Variants in RNF180 observed in about 807,000 individuals in gnomAD.
RNF180 encodes E3 ubiquitin-protein ligase RNF180.
RNF180 carries 38 observed loss-of-function variants against 59.2 expected under a neutral mutation model. The ratio of observed to expected loss-of-function variants is 0.64; its 90% CI spans 0.50 to 0.84. The LOEUF is 0.84. Ranked by LOEUF, RNF180 falls within the 40% of genes least tolerant of loss-of-function variation. The pLI is 0.00. For synonymous variants in RNF180, 262 were observed against 240.3 expected, an observed-to-expected ratio of 1.09 and a Z score of -0.84; for missense variants, 705 against 700.9, an observed-to-expected ratio of 1.01 and a Z score of -0.07.
intron 7 of RNF180, among the ~76,000 whole-genome samples, chr5:64,338,991 G>A (rs1031458787): frequency 2.6e-5 from 4 of 151,742 alleles, no homozygotes; most frequent in Non-Finnish European, 5.9e-5. Flanking sequence ...TTTATACTGT[G>A]TTTTGTCAAT....
intron 7 of RNF180, among the ~76,000 whole-genome samples, chr5:64,351,237 A>G (rs1745798057): frequency 6.6e-6 from 1 of 152,118 alleles, no homozygotes; most frequent in African/African-American, 2.4e-5. Flanking sequence ...AATCCTTGTG[A>G]TTTTTGTACG....
intron 7 of RNF180, among the ~76,000 whole-genome samples, chr5:64,348,577 AAAGAT>A (rs1398060115): frequency 6.6e-6 from 1 of 152,114 alleles, no homozygotes; most frequent in African/African-American, 2.4e-5. Flanking sequence ...AGAGCTTTGA[AAAGAT>A]AAGACATAGT....
chr5:64,362,681 G>T (rs982385032), intron 7 of RNF180, among the ~76,000 whole-genome samples: 2 of 151,812 alleles, frequency 1.3e-5, no homozygotes, highest in African/African-American at 4.8e-5. Context: ...TTCCACAATG[G>T]CTGAACTAAT....
intron 5 of RNF180, among the ~76,000 whole-genome samples, chr5:64,286,939 G>A (rs767605580): frequency 6.6e-6 from 1 of 151,988 alleles, no homozygotes; most frequent in South Asian, 2.1e-4. Context: ...AATAGAAGAC[G>A]TCAAATGCTA....
At chr5:64,352,357 C>T (rs1745850121) in intron 7 of RNF180, among the ~76,000 whole-genome samples, 1 of 152,132 alleles carries the variant, frequency 6.6e-6, no homozygotes, top group African/African-American at 2.4e-5. Context: ...AAACCAGCTC[C>T]TGGATTCATT....
At chr5:64,165,582 G>T (rs193259073), upstream of RNF180, among the ~76,000 whole-genome samples, 321 of 152,342 alleles carry the variant, frequency 2.1e-3, no homozygotes, top group South Asian at 0.028. Context: ...TAATTTCTGT[G>T]GCTCTGGTAA....
At chr5:64,230,454 T>C (rs1236533975) in intron 5 of RNF180, among the ~76,000 whole-genome samples, 5 of 152,216 alleles carry the variant, frequency 3.3e-5, no homozygotes, top group Non-Finnish European at 7.3e-5. Flanking sequence ...AACTTCCATA[T>C]TCAAAGCCAG....
chr5:64,291,557 T>C (rs1295786825), intron 5 of RNF180, among the ~76,000 whole-genome samples: 3 of 151,222 alleles, frequency 2.0e-5, no homozygotes, highest in African/African-American at 7.3e-5. Context: ...CCTGAGTAGC[T>C]GGGACAACAA....
intron 5 of RNF180, among the ~76,000 whole-genome samples, chr5:64,314,935 G>A (rs1743962759): frequency 6.6e-6 from 1 of 152,138 alleles, no homozygotes; most frequent in South Asian, 2.1e-4. Context: ...ACAAGCACTA[G>A]ATTTTAAAGG....
chr5:64,325,258 G>C lies in RNF180; in HGVS notation c.1300G>C (p.Val434Leu), dbSNP rs1561262306. 1 of 1,551,542 alleles carries C rather than the reference G, an allele frequency of 6.4e-7. No homozygotes were observed. Residue 434 changes from valine to leucine, a missense_variant, in exon 6 of 8, where the codon GTG becomes CTG. Transcript: ENST00000389100. Reference sequence around the variant, plus strand: ...AGAAAAGGATAGCTACATCTGTGCAGTGTGTCTGGACGTTTATTTCAACCC... The same window carrying C: ...AGAAAAGGATAGCTACATCTGTGCACTGTGTCTGGACGTTTATTTCAACCC... ...AEEKDSYICA[V>L]CLDVYFNPYM...
chr5:64,311,748 T>C (rs1743777456), intron 5 of RNF180, among the ~76,000 whole-genome samples: 1 of 152,018 alleles, frequency 6.6e-6, no homozygotes, highest in South Asian at 2.1e-4. Context: ...TACCATCTTC[T>C]ACCAATAATC....
chr5:64,367,159 C>A (rs773898725), intron 7 of RNF180, among the ~76,000 whole-genome samples: 1 of 151,426 alleles, frequency 6.6e-6, no homozygotes, highest in Non-Finnish European at 1.5e-5. Flanking sequence ...CTTTTCCAGA[C>A]AAGGAAATGC....
chr5:64,371,298 C>T lies in RNF180; in HGVS notation c.*1484C>T, dbSNP rs944758480. 1 of 151,416 alleles carries T rather than the reference C, an allele frequency of 6.6e-6. No individual in the cohort carries two copies. Among genetic ancestry groups the T allele is most frequent in the African/African-American group, 2.4e-5 (1 of 41,326 alleles). 9.4% of individuals were successfully genotyped at this position (151,416 alleles called of 1,614,324 possible). A position where few individuals can be genotyped will look rare whatever the true frequency, so the allele number is the denominator to read the frequency against. On this transcript the variant is annotated 3_prime_UTR_variant, in exon 8 of 8. Transcript: ENST00000389100. ...TGGATATTTATAATTACTAATTGCT[C>T]AAAGTAAACATAAGGGAAAATATCA...
intron 7 of RNF180, among the ~76,000 whole-genome samples, chr5:64,368,579 T>C (rs1359630138): frequency 6.6e-6 from 1 of 151,912 alleles, no homozygotes; most frequent in Admixed American, 6.6e-5. Context: ...AGGGCTAATA[T>C]CCAGAATCTA....
chr5:64,334,930 A>G (rs886119923), intron 7 of RNF180, among the ~76,000 whole-genome samples: 38 of 152,314 alleles, frequency 2.5e-4, no homozygotes, highest in African/African-American at 7.7e-4. Flanking sequence ...TGGCTGGGTC[A>G]TAGGAAAAGC....
chr5:64,267,033 G>A (rs905015042), intron 5 of RNF180, among the ~76,000 whole-genome samples: 4 of 152,074 alleles, frequency 2.6e-5, no homozygotes, highest in South Asian at 4.2e-4. Context: ...TTAATTTTAG[G>A]ATGCTGCATC....
intron 5 of RNF180, among the ~76,000 whole-genome samples, chr5:64,245,414 A>G (rs1264505051): frequency 1.8e-4 from 27 of 152,240 alleles, no homozygotes; most frequent in Non-Finnish European, 8.8e-5. Context: ...AAACAAAGCA[A>G]TGGAGGAATA....
chr5:64,331,447 C>A (rs796742132), intron 7 of RNF180, among the ~76,000 whole-genome samples: 2 of 152,268 alleles, frequency 1.3e-5, no homozygotes, highest in African/African-American at 4.8e-5. Flanking sequence ...CCTCTTTAGC[C>A]CATAAAAACC....
At position 64,346,153 on chromosome 5, in the gene RNF180, T is replaced by C. The variant is rs951003667; in HGVS notation, c.1579+15747T>C. Among the ~76,000 whole-genome samples, 88 of 151,836 alleles carry C rather than the reference T, an allele frequency of 5.8e-4. 1 individual carries two copies. Among genetic ancestry groups the C allele is most frequent in the African/African-American group, 2.1e-3 (87 of 41,394 alleles). On this transcript the variant is annotated intron_variant, in intron 7 of 7. Coordinates refer to ENST00000389100, the MANE Select transcript of RNF180 (RefSeq NM_001113561.2). The stretch of plus-strand genomic sequence containing the variant: ...ATTTCAGGAATTGGGCTTCCCAAAA[T>C]AGAGCAACTACAAAATAAGACCATT...
Sources: allele counts gnomAD v4.1 joint callset (sites outside exome capture counted in the v4.1 genomes callset), GRCh38; gene constraint gnomAD v4.1.1; transcripts MANE v1.5; gene names NCBI Gene and HGNC (gene_info 2026-07-23, HGNC 2026-07-21).